The following SAMD12 variants were observed in gnomAD, a reference collection of about 807,000 sequenced individuals.
The protein encoded by SAMD12 is sterile alpha motif domain containing 12, also known as sterile alpha motif domain-containing protein 12.
Under a neutral mutation model 15.0 loss-of-function variants are expected in SAMD12, and 9 were observed. That is an observed-to-expected ratio of 0.60 (90% CI 0.36 to 1.05). The LOEUF (loss-of-function observed/expected upper bound fraction) is 1.05. SAMD12 is among the 50% of genes least tolerant of loss of function. The probability of loss-of-function intolerance (pLI) is 0.01; values close to 1 mark genes in which losing one functional copy is unlikely to be tolerated. For synonymous variants in SAMD12, 86 were observed against 90.1 expected, an observed-to-expected ratio of 0.96 and a Z score of 0.25; for missense variants, 230 against 234.2, an observed-to-expected ratio of 0.98 and a Z score of 0.12.
intron 3 of SAMD12, among the ~76,000 whole-genome samples, chr8:118,433,296 T>C (rs1215946139): frequency 1.3e-5 from 2 of 152,230 alleles, no homozygotes; most frequent in Non-Finnish European, 2.9e-5. Context: ...ACATTCTTAG[T>C]AAATAAATTT....
chr8:118,255,373 C>T (rs758681220), intron 4 of SAMD12, among the ~76,000 whole-genome samples: 2 of 151,702 alleles, frequency 1.3e-5, no homozygotes, highest in Non-Finnish European at 2.9e-5. Flanking sequence ...TATTATTATA[C>T]TTTAAGTTTT....
chr8:118,614,790 G>A (rs73319397), intron 1 of SAMD12, among the ~76,000 whole-genome samples: 8,422 of 152,250 alleles, frequency 0.055, 464 homozygotes, highest in African/African-American at 0.14. Flanking sequence ...TGCTCTTCAC[G>A]CGGGAGGCAA....
intron 3 of SAMD12, among the ~76,000 whole-genome samples, chr8:118,404,225 T>A (rs1287834131): frequency 6.6e-6 from 1 of 152,188 alleles, no homozygotes; most frequent in East Asian, 1.9e-4. Flanking sequence ...CTCAAGTGAT[T>A]ATCTCACCTT....
At chr8:118,569,080 CCATTTGG>C (rs1826934113) in intron 2 of SAMD12, among the ~76,000 whole-genome samples, 1 of 152,156 alleles carries the variant, frequency 6.6e-6, no homozygotes. Flanking sequence ...TAACACTCAG[CCATTTGG>C]CATTTGGCCA....
chr8:118,326,934 A>G (rs989157803), intron 4 of SAMD12, among the ~76,000 whole-genome samples: 1 of 152,240 alleles, frequency 6.6e-6, no homozygotes, highest in African/African-American at 2.4e-5. Flanking sequence ...TCCCATTTAC[A>G]GTGAAGCAAG....
At chr8:118,150,527 C>A in the SAMD12 span, among the ~76,000 whole-genome samples, 2 of 152,024 alleles carry the variant, frequency 1.3e-5, no homozygotes, top group Admixed American at 6.6e-5. Flanking sequence ...AGGCACCCAG[C>A]TATTTTTATT....
At chr8:118,459,315 C>CTCAG (rs1823348788) in intron 2 of SAMD12, among the ~76,000 whole-genome samples, 1 of 152,164 alleles carries the variant, frequency 6.6e-6, no homozygotes, top group African/African-American at 2.4e-5. Flanking sequence ...ATCTGCCCGC[C>CTCAG]TCAGCCTCCC....
At chr8:118,297,792 A>G (rs903350231) in intron 4 of SAMD12, among the ~76,000 whole-genome samples, 1 of 152,260 alleles carries the variant, frequency 6.6e-6, no homozygotes, top group Non-Finnish European at 1.5e-5. Context: ...CCTTGGGAAA[A>G]CAATCACATA....
intron 4 of SAMD12, among the ~76,000 whole-genome samples, chr8:118,327,882 G>C (rs1346643553): frequency 6.6e-6 from 1 of 152,156 alleles, no homozygotes; most frequent in Non-Finnish European, 1.5e-5. Context: ...AGCTTGAAAA[G>C]TTGTGAATGC....
At chr8:118,372,726 G>A (rs968102986) in intron 4 of SAMD12, among the ~76,000 whole-genome samples, 1 of 151,814 alleles carries the variant, frequency 6.6e-6, no homozygotes, top group Non-Finnish European at 1.5e-5. Context: ...TACACAAACT[G>A]TGGTTATATT....
chr8:118,525,302 C>T (rs926584947), intron 2 of SAMD12, among the ~76,000 whole-genome samples: 2 of 152,162 alleles, frequency 1.3e-5, no homozygotes, highest in Non-Finnish European at 2.9e-5. Context: ...CCTGGGGACT[C>T]TATATCATTT....
rs536526840 is a variant in SAMD12 at position 118,402,109 on chromosome 8, T to C, written c.323-22409A>G. Among the ~76,000 whole-genome samples, 3 of 152,276 alleles carry C rather than the reference T, an allele frequency of 2.0e-5. No homozygotes were observed. The South Asian group carries it at 6.2e-4, about 32-fold the overall frequency. On this transcript the variant is annotated intron_variant, in intron 3 of 3. Transcript: ENST00000314727. The stretch of plus-strand genomic sequence containing the variant: ...CACTGCATTTAATTATGAAAACCTA[T>C]TGAACTTAGGGAAGTTAGAGGAGAA...
intron 4 of SAMD12, among the ~76,000 whole-genome samples, chr8:118,334,245 C>G (rs1219581386): frequency 6.6e-6 from 1 of 152,118 alleles, no homozygotes; most frequent in Non-Finnish European, 1.5e-5. Flanking sequence ...CTTTGAGTAC[C>G]TGGCCTGTGT....
In SAMD12 at chr8:118,501,994, T is replaced by C. The variant is rs867953296; in HGVS notation, c.193-62033A>G. ...GAGATTGCGCCACTGCACTCAAGCC[T>C]GGGCAACAGAGCGAGACTCCGTCTC... On this transcript the variant is annotated intron_variant, in intron 2 of 3. Transcript: ENST00000314727. Among the ~76,000 whole-genome samples, 5 of 131,868 alleles carry C rather than the reference T, an allele frequency of 3.8e-5. No individual in the cohort carries two copies. In the South Asian group the frequency reaches 1.2e-3, roughly 31 times the overall value. 86.5% of individuals were successfully genotyped at this position (131,868 alleles called of 152,430 possible). A position where few individuals can be genotyped will look rare whatever the true frequency, so the allele number is the denominator to read the frequency against.
At chr8:118,200,469 C>T (rs1819685450) in intron 4 of SAMD12, among the ~76,000 whole-genome samples, 1 of 149,548 alleles carries the variant, frequency 6.7e-6, no homozygotes, top group Non-Finnish European at 1.5e-5. Flanking sequence ...GATACTCCTG[C>T]AAGACATGAA....
chr8:118,567,764 T>C (rs908761530), intron 2 of SAMD12, among the ~76,000 whole-genome samples: 3 of 152,224 alleles, frequency 2.0e-5, no homozygotes, highest in African/African-American at 7.2e-5. Context: ...CAGCAACAAA[T>C]AGCAGTGTCC....
At chr8:118,555,762 T>C (rs1162134468) in intron 2 of SAMD12, among the ~76,000 whole-genome samples, 4 of 152,226 alleles carry the variant, frequency 2.6e-5, no homozygotes, top group Non-Finnish European at 4.4e-5. Context: ...ATGTTTATCA[T>C]TACACTTCCT....
At position 118,528,998 on chromosome 8, in the gene SAMD12, C is replaced by T. The variant is rs554267843; in HGVS notation, c.192+51717G>A. Among the ~76,000 whole-genome samples, 391 of 152,316 alleles carry T rather than the reference C, an allele frequency of 2.6e-3. 1 individual carries two copies. Among genetic ancestry groups the T allele is most frequent in the Non-Finnish European group, 4.8e-3 (325 of 68,024 alleles). On this transcript the variant is annotated intron_variant, in intron 2 of 3. Transcript: ENST00000314727. ...AGAAAAAAAGAAGAGATTCAACACC[C>T]TACACTTTCCAGCTTGCAAGGGTGC...
chr8:118,145,402 C>G, the SAMD12 span, among the ~76,000 whole-genome samples: 2 of 152,166 alleles, frequency 1.3e-5, no homozygotes, highest in Non-Finnish European at 2.9e-5. Flanking sequence ...TATATAAGAT[C>G]AAAACATCAT....
Sources: gnomAD v4.1 joint callset for allele counts (sites outside exome capture counted in the v4.1 genomes callset) on GRCh38, gnomAD v4.1.1 for gene constraint, MANE v1.5 for transcripts, NCBI Gene and HGNC (gene_info 2026-07-23, HGNC 2026-07-21) for gene names.